The following CDH4 variants were observed in gnomAD, a reference collection of about 807,000 sequenced individuals.
CDH4 encodes cadherin 4.
Under a neutral mutation model 86.0 loss-of-function variants are expected in CDH4, and 33 were observed. The ratio of observed to expected loss-of-function variants is 0.38; its 90% CI spans 0.29 to 0.51. The LOEUF is 0.51. Among genes scored for constraint, CDH4 ranks in the 20% least tolerant of loss-of-function variants. The pLI is 0.86. For missense variants in CDH4, 1,114 were observed against 1,307.4 expected, an observed-to-expected ratio of 0.85 and a Z score of 2.28; for synonymous variants, 555 against 549.4, an observed-to-expected ratio of 1.01 and a Z score of -0.14.
At chr20:61,410,138 C>A (rs114516277) in intron 2 of CDH4, among the ~76,000 whole-genome samples, 2 of 152,186 alleles carry the variant, frequency 1.3e-5, no homozygotes, top group Non-Finnish European at 1.5e-5. Context: ...TATGGAGAAG[C>A]CTGGTGACAT....
intron 2 of CDH4, among the ~76,000 whole-genome samples, chr20:61,260,645 G>A (rs2123120022): frequency 6.6e-6 from 1 of 152,280 alleles, no homozygotes; most frequent in African/African-American, 2.4e-5. Context: ...TTCTTTCTGA[G>A]CACCCAGACC....
intron 2 of CDH4, among the ~76,000 whole-genome samples, chr20:61,369,437 T>G (rs2084827848): frequency 9.4e-6 from 1 of 106,186 alleles, no homozygotes. Context: ...GGTGACAGAG[T>G]GAGACTCTGT....
chr20:61,798,286 C>T (rs1302003443), intron 4 of CDH4, among the ~76,000 whole-genome samples: 1 of 152,118 alleles, frequency 6.6e-6, no homozygotes, highest in East Asian at 1.9e-4. Context: ...GTGGTCCCGC[C>T]TCGCACGCAT....
intron 4 of CDH4, among the ~76,000 whole-genome samples, chr20:61,832,234 C>G (rs949219108): frequency 2.0e-5 from 3 of 152,320 alleles, no homozygotes; most frequent in Non-Finnish European, 4.4e-5. Flanking sequence ...GGCCAGGACA[C>G]CTGGGTTCTG....
intron 5 of CDH4, among the ~76,000 whole-genome samples, chr20:61,848,258 C>T (rs1163462712): frequency 6.6e-6 from 1 of 152,208 alleles, no homozygotes; most frequent in Non-Finnish European, 1.5e-5. Context: ...ATGAGGGAGC[C>T]CAGGGCGGTG....
chr20:61,762,983 A>C (rs186218161), intron 3 of CDH4, among the ~76,000 whole-genome samples: 2 of 152,308 alleles, frequency 1.3e-5, no homozygotes, highest in African/African-American at 4.8e-5. Flanking sequence ...GCTTTTGTGG[A>C]ATCAGGTGGA....
intron 2 of CDH4, among the ~76,000 whole-genome samples, chr20:61,624,245 G>T (rs977834953): frequency 6.6e-6 from 1 of 152,238 alleles, no homozygotes; most frequent in African/African-American, 2.4e-5. Context: ...GATACTAGCA[G>T]TCGCTAAGTG....
At chr20:61,772,868 T>G in intron 3 of CDH4, 135 bp from the exon 4 acceptor site, 1 of 627,660 alleles carries the variant, frequency 1.6e-6, no homozygotes, top group Non-Finnish European at 2.5e-6. Context: ...CCCTTCCCGC[T>G]TAGCTCCTTG....
intron 2 of CDH4, among the ~76,000 whole-genome samples, chr20:61,386,951 T>C (rs944568411): frequency 5.9e-5 from 9 of 152,378 alleles, no homozygotes; most frequent in Non-Finnish European, 1.0e-4. Flanking sequence ...CATGTAGATA[T>C]GTAAGCTGCC....
At chr20:61,759,843 G>C (rs1457596052) in intron 3 of CDH4, among the ~76,000 whole-genome samples, 1 of 152,104 alleles carries the variant, frequency 6.6e-6, no homozygotes, top group African/African-American at 2.4e-5. Context: ...GTGCAGCCTG[G>C]CATGCTGCTC....
intron 2 of CDH4, among the ~76,000 whole-genome samples, chr20:61,522,382 A>G (rs532599544): frequency 2.5e-4 from 38 of 152,314 alleles, no homozygotes; most frequent in Non-Finnish European, 4.9e-4. Context: ...ATGCATGAGG[A>G]ATAGCCACTC....
At position 61,269,060 on chromosome 20, in the gene CDH4, T is replaced by C. The variant is rs2084170729; in HGVS notation, c.169+14123T>C. Among the ~76,000 whole-genome samples, 1 of 152,196 alleles carries C rather than the reference T, an allele frequency of 6.6e-6. No individual in the cohort carries two copies. Among genetic ancestry groups the C allele is most frequent in the South Asian group, 2.1e-4 (1 of 4,830 alleles). ...CCCATGGAAAGCCCTGTGGTGGTCC[T>C]GGGGCTCGGCCCCACTTGAGGGGTT... On this transcript the variant is annotated intron_variant, in intron 2 of 15. Transcript: ENST00000614565. This position sits in a 1 kb window ranked among gnomAD's most constrained non-coding sequence, Gnocchi z 5.3.
intron 15 of CDH4, among the ~76,000 whole-genome samples, chr20:61,934,951 C>T (rs2123017295): frequency 6.6e-6 from 1 of 152,356 alleles, no homozygotes; most frequent in Admixed American, 6.5e-5. Context: ...ACTCAGTTTC[C>T]ACTTCCAACG....
chr20:61,889,889 AATGG>A (rs1014451338), intron 7 of CDH4, among the ~76,000 whole-genome samples: 1 of 79,364 alleles, frequency 1.3e-5, no homozygotes, highest in Middle Eastern at 0.01. Flanking sequence ...TGGGTGAGTG[AATGG>A]ATGGATGGAT....
At chr20:61,580,532 G>C (rs1409967002) in intron 2 of CDH4, among the ~76,000 whole-genome samples, 2 of 152,118 alleles carry the variant, frequency 1.3e-5, no homozygotes, top group Non-Finnish European at 2.9e-5. Context: ...TAAGTCTCTG[G>C]TTGATGCATG....
intron 2 of CDH4, among the ~76,000 whole-genome samples, chr20:61,505,467 T>C (rs528374663): frequency 6.6e-6 from 1 of 152,290 alleles, no homozygotes; most frequent in Non-Finnish European, 1.5e-5. Context: ...CCTGTGATCT[T>C]AAGGAGACAA....
intron 2 of CDH4, among the ~76,000 whole-genome samples, chr20:61,647,556 TCC>T (rs2087076627): frequency 9.5e-6 from 1 of 105,788 alleles, no homozygotes; most frequent in African/African-American, 3.5e-5. Context: ...CCTCTCCCTC[TCC>T]CTCTCCCTCT....
At chr20:61,613,109 T>C (rs925488587) in intron 2 of CDH4, among the ~76,000 whole-genome samples, 1 of 152,058 alleles carries the variant, frequency 6.6e-6, no homozygotes, top group African/African-American at 2.4e-5. Context: ...GCCTCGTCTC[T>C]TCATCTTTTC....
chr20:61,729,798 T>C (rs1226256546), intron 2 of CDH4, among the ~76,000 whole-genome samples: 1 of 152,134 alleles, frequency 6.6e-6, no homozygotes, highest in Non-Finnish European at 1.5e-5. Context: ...GGATGTGAGA[T>C]TACAGCGTTG....
Sources: allele counts gnomAD v4.1 joint callset (sites outside exome capture counted in the v4.1 genomes callset), GRCh38; gene constraint gnomAD v4.1.1; non-coding constraint Gnocchi (gnomAD v3.1); transcripts MANE v1.5; gene names NCBI Gene and HGNC (gene_info 2026-07-23, HGNC 2026-07-21).